The following EYS variants were observed in gnomAD, a reference collection of about 807,000 sequenced individuals.
EYS encodes the protein protein eyes shut homolog.
EYS carries 250 observed loss-of-function variants against 282.1 expected under a neutral mutation model. That is an observed-to-expected ratio of 0.89 (90% CI 0.80 to 0.98). The LOEUF (loss-of-function observed/expected upper bound fraction) is 0.98. Ranked by LOEUF, EYS falls within the 50% of genes least tolerant of loss-of-function variation. EYS has a pLI of 0.00. For missense variants in EYS, 4,016 were observed against 3,709.0 expected, an observed-to-expected ratio of 1.08 and a Z score of -2.15; for synonymous variants, 1,355 against 1,282.9, an observed-to-expected ratio of 1.06 and a Z score of -1.20.
chr6:64,697,820 T>C (rs111458144), intron 22 of EYS, among the ~76,000 whole-genome samples: 5 of 152,106 alleles, frequency 3.3e-5, no homozygotes, highest in African/African-American at 1.2e-4. Context: ...CACGCACCTG[T>C]AGTCCCAGCT....
At chr6:65,137,693 T>C (rs568733119) in intron 12 of EYS, among the ~76,000 whole-genome samples, 1 of 152,068 alleles carries the variant, frequency 6.6e-6, no homozygotes, top group Non-Finnish European at 1.5e-5. Flanking sequence ...TCAATAAATA[T>C]TTAAGAGGTT....
chr6:65,006,022 A>G (rs1489536490), intron 13 of EYS, among the ~76,000 whole-genome samples: 1 of 151,800 alleles, frequency 6.6e-6, no homozygotes, highest in African/African-American at 2.4e-5. Context: ...TGTATCTCCA[A>G]AGGGATCTAA....
At chr6:64,013,372 G>T (rs10944281) in intron 33 of EYS, among the ~76,000 whole-genome samples, 1 of 151,956 alleles carries the variant, frequency 6.6e-6, no homozygotes, top group Non-Finnish European at 1.5e-5. Flanking sequence ...GTTTTCTTTA[G>T]CCGGTAAAAG....
intron 12 of EYS, among the ~76,000 whole-genome samples, chr6:65,089,082 A>T (rs1452273204): frequency 6.6e-6 from 1 of 152,148 alleles, no homozygotes; most frequent in Non-Finnish European, 1.5e-5. Context: ...AGTTTGCTGT[A>T]GGGCCAGGGT....
rs142705817 is a variant in EYS, at chr6:65,443,815, T to C, written c.863-38448A>G. ...ATACATTATGTACACATATATGTAG[T>C]AATATTCCCTTACTGTTAAGAATAT... On this transcript the variant is annotated intron_variant, in intron 5 of 42. Transcript: ENST00000503581. Among the ~76,000 whole-genome samples the C allele has an allele frequency of 4.6e-5, 7 of 152,008 alleles. No individual in the cohort carries two copies. The East Asian group carries it at 1.4e-3, about 29-fold the overall frequency.
intron 22 of EYS, among the ~76,000 whole-genome samples, chr6:64,766,649 A>AAAAAATATATATATATAT (rs1387919586): frequency 1.6e-4 from 3 of 19,062 alleles, no homozygotes; most frequent in African/African-American, 3.6e-4. Flanking sequence ...AAAAAAAAAA[A>AAAAAATATATATATATAT]ATATATATAT....
intron 31 of EYS, among the ~76,000 whole-genome samples, chr6:64,089,523 A>G (rs770883032): frequency 6.7e-6 from 1 of 148,190 alleles, no homozygotes; most frequent in South Asian, 2.1e-4. Context: ...CCTATAATAT[A>G]GTATATATAA....
Position 65,202,571 on chromosome 6 carries a change from G to T in EYS, c.2023+93292C>A, listed in dbSNP as rs150859474. On this transcript the variant is annotated intron_variant, in intron 12 of 42. Transcript: ENST00000503581. ...GGGATGTATGAAGATGACATCTGCG[G>T]CCTGATCTCCAGCAGGGGAGGAGTC... 2.1e-3 allele frequency among the ~76,000 whole-genome samples: 315 copies of T among 152,208 alleles called. 1 individual carries two copies. The highest frequency in any genetic ancestry group is 7.3e-3 in the African/African-American group (303 of 41,516).
intron 12 of EYS, among the ~76,000 whole-genome samples, chr6:65,233,750 G>A (rs1766850396): frequency 1.3e-5 from 2 of 152,160 alleles, no homozygotes; most frequent in African/African-American, 4.8e-5. Flanking sequence ...AGCTTCTCTA[G>A]TAGCTACCTC....
In EYS at chr6:64,617,405, C is replaced by G; in HGVS notation, c.3684+13G>C. The G allele has an allele frequency of 6.8e-7, 1 of 1,474,958 alleles. No homozygotes were observed. The highest frequency in any genetic ancestry group is 1.4e-5 in the African/African-American group (1 of 71,542). The allele number at this position is 1,474,958 out of a possible 1,614,324, so 91.4% of individuals were successfully genotyped here. On this transcript the variant is annotated intron_variant, in intron 24 of 42. Transcript: ENST00000503581. ...AAAAAATTATTACAACCACAACCAC[C>G]AGTAATCTTTACCATAAATCCAGGT... is the stretch of plus-strand genomic sequence containing the variant.
intron 36 of EYS, among the ~76,000 whole-genome samples, chr6:63,847,953 G>A (rs1772142284): frequency 6.6e-6 from 1 of 152,166 alleles, no homozygotes; most frequent in Non-Finnish European, 1.5e-5. Context: ...CAAGTCATTT[G>A]ACTCATTGGG....
chr6:63,998,951 TGA>T lies in EYS; in HGVS notation c.6834+122_6834+123del, dbSNP rs577242085. ...TGAGTTGAATTTTCTGGTGCTTTGTTGAGAGTTTTTACAAGGAATCTGTTCAA... is the reference window on the plus strand; with the variant it reads ...TGAGTTGAATTTTCTGGTGCTTTGTTGAGTTTTTACAAGGAATCTGTTCAA... On this transcript the variant is annotated intron_variant, in intron 34 of 42. Transcript: ENST00000503581. The T allele has an allele frequency of 8.0e-3, 5,046 of 626,876 alleles. 34 individuals carry two copies. The highest frequency in any genetic ancestry group is 0.012 in the South Asian group (616 of 49,794). The allele number at this position is 626,876 out of a possible 1,614,324, so 38.8% of individuals were successfully genotyped here.
intron 1 of EYS, among the ~76,000 whole-genome samples, chr6:65,678,530 A>G (rs777543762): frequency 2.2e-4 from 33 of 152,066 alleles, no homozygotes; most frequent in Non-Finnish European, 3.8e-4. Flanking sequence ...GGAAAGCTTT[A>G]TAATGTTGGT....
intron 26 of EYS, among the ~76,000 whole-genome samples, chr6:64,533,202 T>C (rs1764408289): frequency 6.6e-6 from 1 of 152,112 alleles, no homozygotes; most frequent in Non-Finnish European, 1.5e-5. Flanking sequence ...TCAGAGCATA[T>C]GATGCCTGTA....
At chr6:64,748,281 G>C (rs768185020) in intron 22 of EYS, among the ~76,000 whole-genome samples, 1 of 152,188 alleles carries the variant, frequency 6.6e-6, no homozygotes, top group Non-Finnish European at 1.5e-5. Context: ...CTCTAAGTAG[G>C]AAAGTTATAG....
At chr6:63,725,322 C>A (rs1344893178) in intron 42 of EYS, among the ~76,000 whole-genome samples, 1 of 151,648 alleles carries the variant, frequency 6.6e-6, no homozygotes, top group East Asian at 1.9e-4. Flanking sequence ...ATTTCATATA[C>A]ACAAACAAAT....
chr6:64,529,680 T>C (rs1394691800), intron 26 of EYS, among the ~76,000 whole-genome samples: 1 of 152,026 alleles, frequency 6.6e-6, no homozygotes, highest in Non-Finnish European at 1.5e-5. Context: ...CTGTAAAACA[T>C]TTAGAACACT....
rs1474518161 is a variant in EYS, at chr6:63,727,823, G to T, written c.8072-1143C>A. Reference sequence around the variant, plus strand: ...AGGCTGAAGTGGAAGGATCAGTTGAGCTTGGGAGGTGGAGGTGGGGGTGGA... The same window carrying T: ...AGGCTGAAGTGGAAGGATCAGTTGATCTTGGGAGGTGGAGGTGGGGGTGGA... On this transcript the variant is annotated intron_variant, in intron 41 of 42. Transcript: ENST00000503581. Among the ~76,000 whole-genome samples the T allele has an allele frequency of 2.4e-5, 3 of 124,346 alleles. No homozygotes were observed. In the East Asian group the frequency reaches 6.8e-4, roughly 28 times the overall value. The allele number at this position is 124,346 out of a possible 152,430, so 81.6% of individuals were successfully genotyped here.
chr6:64,424,683 C>T (rs2150454815), intron 28 of EYS, among the ~76,000 whole-genome samples: 1 of 152,304 alleles, frequency 6.6e-6, no homozygotes, highest in South Asian at 2.1e-4. Context: ...CCCTGCCTTT[C>T]ATTCATTATT....
Sources: allele counts gnomAD v4.1 joint callset (sites outside exome capture counted in the v4.1 genomes callset), GRCh38; gene constraint gnomAD v4.1.1; transcripts MANE v1.5; gene names NCBI Gene and HGNC (gene_info 2026-07-23, HGNC 2026-07-21).